Variants in NPRL3 observed in about 807,000 individuals in gnomAD.
NPRL3 encodes GATOR1 complex protein NPRL3.
Under a neutral mutation model 57.2 loss-of-function variants are expected in NPRL3, and 23 were observed. The ratio of observed to expected loss-of-function variants is 0.40; its 90% CI spans 0.29 to 0.57. The LOEUF (loss-of-function observed/expected upper bound fraction) is 0.57, where lower values mean the gene tolerates loss of function less well. Ranked by LOEUF, NPRL3 falls within the 20% of genes least tolerant of loss-of-function variation. The pLI is 0.42. For synonymous variants in NPRL3, 333 were observed against 321.1 expected, an observed-to-expected ratio of 1.04 and a Z score of -0.39; for missense variants, 691 against 767.1, an observed-to-expected ratio of 0.90 and a Z score of 1.17.
At chr16:92,844 G>T in intron 10 of NPRL3, 119 bp from the exon 11 acceptor site, 1 of 1,335,726 alleles carries the variant, frequency 7.5e-7, no homozygotes, top group Non-Finnish European at 1.0e-6. Context: ...AGTGCGATGA[G>T]GGCAGAACGG....
At chr16:108,226 T>C (rs550713625) in intron 7 of NPRL3, among the ~76,000 whole-genome samples, 1 of 152,330 alleles carries the variant, frequency 6.6e-6, no homozygotes, top group South Asian at 2.1e-4. Context: ...GATAGAAGAA[T>C]GAACAAGGGA....
At chr16:121,902 G>A (rs1441907825) in intron 3 of NPRL3, among the ~76,000 whole-genome samples, 5 of 148,040 alleles carry the variant, frequency 3.4e-5, no homozygotes, top group East Asian at 2.1e-4. Flanking sequence ...AGCCTCCCGA[G>A]TAGCTGCGAT....
At chr16:137,163 T>A (rs1422743257) in intron 2 of NPRL3, among the ~76,000 whole-genome samples, 1 of 151,276 alleles carries the variant, frequency 6.6e-6, no homozygotes, top group East Asian at 1.9e-4. Flanking sequence ...GAGGCTGCAG[T>A]GAGCCGAGAT....
chr16:99,511 T>C (rs575666709), intron 8 of NPRL3, among the ~76,000 whole-genome samples: 1 of 150,474 alleles, frequency 6.6e-6, no homozygotes, highest in African/African-American at 2.5e-5. Context: ...GGTGTAGTGG[T>C]GTGCACCCAT....
chr16:89,980 A>G lies in NPRL3; in HGVS notation c.1162-78T>C, dbSNP rs1898695730. On this transcript the variant is annotated intron_variant, in intron 11 of 13. Transcript: ENST00000611875. Reference sequence around the variant, plus strand: ...TGGGTGATCAGGGAGCCATGGCCCTAGACATGGCCACAGCACGCTCCCTGT... The same window carrying G: ...TGGGTGATCAGGGAGCCATGGCCCTGGACATGGCCACAGCACGCTCCCTGT... The G allele has an allele frequency of 2.3e-6, 3 of 1,326,604 alleles. No individual in the cohort carries two copies. In the Admixed American group the frequency reaches 7.6e-5, roughly 33 times the overall value. 82.2% of individuals were successfully genotyped at this position (1,326,604 alleles called of 1,614,324 possible).
chr16:136,292 G>A (rs1033298032), intron 2 of NPRL3, among the ~76,000 whole-genome samples: 6 of 152,274 alleles, frequency 3.9e-5, no homozygotes, highest in African/African-American at 1.4e-4. Context: ...GGACAAGGGT[G>A]CTCGACAGGT....
chr16:121,680 C>T (rs1473895072), intron 3 of NPRL3, among the ~76,000 whole-genome samples: 1 of 152,038 alleles, frequency 6.6e-6, no homozygotes, highest in Non-Finnish European at 1.5e-5. Flanking sequence ...AGGCAGCCAG[C>T]AGGGTGGTAG....
In NPRL3 at chr16:85,403, G is replaced by T; in HGVS notation, c.*1302C>A. 1 of 1,602,982 alleles carries T rather than the reference G, an allele frequency of 6.2e-7. No individual in the cohort carries two copies. ...CTTCCAAACTGTCCGTCCCACAGGG[G>T]ACGGGGCTTGCGTCTTGCTGCGAGC... On this transcript the variant is annotated 3_prime_UTR_variant, in exon 14 of 14. Coordinates refer to ENST00000611875, the MANE Select transcript of NPRL3 (RefSeq NM_001077350.3).
Position 119,155 on chromosome 16 carries a change from G to A in NPRL3, c.289C>T (p.Pro97Ser). Reference protein sequence around the residue: ...KIDNVRFVGHPTLLQHALGQI... With the variant: ...KIDNVRFVGHSTLLQHALGQI... ...CCCAGAGCATGCTGTAGCAGTGTTG[G>A]GTGCCCAACAAATCGCACATTATCA... The change falls in exon 4 of 14, where the codon CCA (proline) becomes TCA (serine). Residue 97 changes from proline (P) to serine (S), a missense_variant. Coordinates refer to ENST00000611875, the MANE Select transcript of NPRL3 (RefSeq NM_001077350.3). The A allele has an allele frequency of 6.2e-7, 1 of 1,613,522 alleles. No individual in the cohort carries two copies. Among genetic ancestry groups the A allele is most frequent in the Non-Finnish European group, 8.5e-7 (1 of 1,179,720 alleles).
At chr16:94,323 G>A (rs1271426883) in intron 9 of NPRL3, among the ~76,000 whole-genome samples, 7 of 152,180 alleles carry the variant, frequency 4.6e-5, no homozygotes, top group South Asian at 2.1e-4. Context: ...CTAAGCTCTC[G>A]CACTTCTGCC....
Position 86,734 on chromosome 16 carries a change from T to C in NPRL3, c.1681A>G (p.Ile561Val). 6.4e-7 allele frequency: 1 copy of C among 1,569,712 alleles called. No homozygotes were observed. The highest frequency in any genetic ancestry group is 8.6e-7 in the Non-Finnish European group (1 of 1,158,552). ...LVVTTHEDPV[I>V]AVFQALLP ...GGGAGCAGAGCCTGGAAGACGGCAA[T>C]GACAGGGTCCTCGTGGGTGGTCACC... The change falls in exon 14 of 14, where the codon ATT becomes GTT. Residue 561 changes from isoleucine (I) to valine (V), a missense_variant. By Grantham distance (29) the Ile-to-Val change is conservative. Coordinates refer to ENST00000611875, the MANE Select transcript of NPRL3 (RefSeq NM_001077350.3).
intron 7 of NPRL3, among the ~76,000 whole-genome samples, chr16:101,369 T>G (rs1472485243): frequency 6.6e-6 from 1 of 152,184 alleles, no homozygotes; most frequent in Non-Finnish European, 1.5e-5. Context: ...GCACCTCAGT[T>G]GCAGTGCATG....
At chr16:127,447 CTG>C (rs1900573851) in intron 3 of NPRL3, among the ~76,000 whole-genome samples, 1 of 151,960 alleles carries the variant, frequency 6.6e-6, no homozygotes, top group Non-Finnish European at 1.5e-5. Flanking sequence ...GCTGTCCAGA[CTG>C]TTCTCAAACA....
chr16:99,788 C>A (rs1384557097), intron 8 of NPRL3, among the ~76,000 whole-genome samples: 1 of 151,434 alleles, frequency 6.6e-6, no homozygotes, highest in Non-Finnish European at 1.5e-5. Context: ...AAAAAATTAG[C>A]CAGGCATGGC....
At position 137,662 on chromosome 16, in the gene NPRL3, G is replaced by C. The variant is rs563575255; in HGVS notation, c.118+488C>G. On this transcript the variant is annotated intron_variant, in intron 2 of 13. Coordinates refer to ENST00000611875, the MANE Select transcript of NPRL3 (RefSeq NM_001077350.3). ...CCTCCCGGGTTCAAGCAATTCTCCT[G>C]CCTCAGCCTCCCAAGTAGCTAGGAT... Among the ~76,000 whole-genome samples, 804 of 151,662 alleles carry C rather than the reference G, an allele frequency of 5.3e-3. 6 individuals carry two copies. The highest frequency in any genetic ancestry group is 0.018 in the African/African-American group (764 of 41,310).
At chr16:112,267 C>A (rs1322170212) in intron 6 of NPRL3, among the ~76,000 whole-genome samples, 1 of 152,208 alleles carries the variant, frequency 6.6e-6, no homozygotes, top group Non-Finnish European at 1.5e-5. Context: ...CACATCCAGC[C>A]AGGAAAATTC....
chr16:125,687 A>C (rs1900485857), intron 3 of NPRL3: 1 of 152,260 alleles, frequency 6.6e-6, no homozygotes, highest in South Asian at 2.1e-4. Context: ...TGGAACCCTG[A>C]ACCTGCACTT....
chr16:121,606 C>T (rs891933990), intron 3 of NPRL3, among the ~76,000 whole-genome samples: 30 of 137,940 alleles, frequency 2.2e-4, no homozygotes, highest in South Asian at 1.4e-3. Flanking sequence ...GGTGACAGAG[C>T]GAAACTCCGT....
intron 11 of NPRL3, chr16:91,151 G>A (rs1327043006): frequency 6.6e-6 from 1 of 151,978 alleles, no homozygotes; most frequent in African/African-American, 2.4e-5. Flanking sequence ...GATGAGGTGG[G>A]TGGATCACCT....
Sources: allele counts gnomAD v4.1 joint callset (sites outside exome capture counted in the v4.1 genomes callset), GRCh38; gene constraint gnomAD v4.1.1; transcripts MANE v1.5; gene names NCBI Gene and HGNC (gene_info 2026-07-23, HGNC 2026-07-21).